Variants in DTNA observed in about 807,000 individuals in gnomAD.
The protein encoded by DTNA is dystrophin-related protein 3.
DTNA carries 43 observed loss-of-function variants against 100.7 expected under a neutral mutation model. The observed-to-expected ratio is 0.43, with a 90% CI of 0.33 to 0.55. DTNA has a LOEUF of 0.55. Ranked by LOEUF, DTNA falls within the 20% of genes least tolerant of loss-of-function variation. The pLI is 0.04. For missense variants in DTNA, 798 were observed against 953.9 expected (o/e 0.84, Z 2.15); for synonymous variants, 349 against 347.9 (o/e 1.00, Z -0.04).
intron 1 of DTNA, among the ~76,000 whole-genome samples, chr18:34,524,766 A>G (rs2042456011): frequency 6.6e-6 from 1 of 152,074 alleles, no homozygotes; most frequent in Non-Finnish European, 1.5e-5. Context: ...TTTTTTTAAA[A>G]AAAAGGTTTA....
chr18:34,763,310 A>G (rs2093297551), intron 2 of DTNA, among the ~76,000 whole-genome samples: 1 of 152,180 alleles, frequency 6.6e-6, no homozygotes, highest in Admixed American at 6.5e-5. Flanking sequence ...TAGAGAGCTC[A>G]TTCCCCACGA....
intron 1 of DTNA, among the ~76,000 whole-genome samples, chr18:34,590,309 T>C (rs1453530642): frequency 6.6e-6 from 1 of 152,240 alleles, no homozygotes; most frequent in Non-Finnish European, 1.5e-5. Flanking sequence ...GATGTATTAA[T>C]GTTTTCTCTT....
chr18:34,798,493 C>G (rs1267404458), intron 4 of DTNA, among the ~76,000 whole-genome samples: 5 of 152,144 alleles, frequency 3.3e-5, no homozygotes, highest in Non-Finnish European at 5.9e-5. Context: ...GTACTCCTCT[C>G]ACCTTCTCCC....
At chr18:34,779,270 A>C (rs2094207899) in intron 3 of DTNA, among the ~76,000 whole-genome samples, 1 of 152,190 alleles carries the variant, frequency 6.6e-6, no homozygotes. Context: ...AGCACACAGA[A>C]TGCATTTGAC....
intron 1 of DTNA, among the ~76,000 whole-genome samples, chr18:34,688,505 A>T (rs113663980): frequency 0.024 from 3,711 of 152,272 alleles, 176 homozygotes; most frequent in African/African-American, 0.085. Flanking sequence ...TTCTGCTGAG[A>T]GATCCACTGT....
At chr18:34,502,839 G>A (rs962680072) in intron 1 of DTNA, among the ~76,000 whole-genome samples, 8 of 152,142 alleles carry the variant, frequency 5.3e-5, no homozygotes, top group East Asian at 1.9e-4. Context: ...TGGCTGTTTC[G>A]GGGTAGAGTG....
At chr18:34,780,865 A>T (rs554476425) in intron 3 of DTNA, among the ~76,000 whole-genome samples, 2 of 152,196 alleles carry the variant, frequency 1.3e-5, no homozygotes, top group Admixed American at 6.5e-5. Flanking sequence ...ACCTTGTCCA[A>T]TGCACTCCAG....
intron 1 of DTNA, among the ~76,000 whole-genome samples, chr18:34,615,461 A>C (rs1170753446): frequency 2.6e-5 from 4 of 152,198 alleles, no homozygotes; most frequent in Middle Eastern, 3.2e-3. Context: ...TACCCTGATC[A>C]GTCAGCAGAT....
chr18:34,639,108 TG>T (rs1446115205), intron 1 of DTNA, among the ~76,000 whole-genome samples: 1 of 152,232 alleles, frequency 6.6e-6, no homozygotes, highest in Non-Finnish European at 1.5e-5. Flanking sequence ...CCCAGAGTGT[TG>T]GGATTATAGG....
At chr18:34,707,648 G>C (rs886429771), upstream of DTNA, among the ~76,000 whole-genome samples, 2 of 151,842 alleles carry the variant, frequency 1.3e-5, no homozygotes, top group Non-Finnish European at 2.9e-5. Flanking sequence ...AATCTCCAGG[G>C]GAAAAAAATG....
intron 1 of DTNA, among the ~76,000 whole-genome samples, chr18:34,626,168 T>C (rs536088479): frequency 6.6e-6 from 1 of 152,324 alleles, no homozygotes; most frequent in South Asian, 2.1e-4. Flanking sequence ...ACAATGAATG[T>C]TATTATTACA....
chr18:34,638,485 T>C (rs1220299960), intron 1 of DTNA, among the ~76,000 whole-genome samples: 1 of 152,186 alleles, frequency 6.6e-6, no homozygotes, highest in Non-Finnish European at 1.5e-5. Flanking sequence ...TGTTTCTGGT[T>C]GGTACCCTAC....
intron 15 of DTNA, among the ~76,000 whole-genome samples, chr18:34,857,487 A>G (rs184556932): frequency 1.3e-5 from 2 of 152,274 alleles, no homozygotes; most frequent in African/African-American, 4.8e-5. Flanking sequence ...CTTAGGGATA[A>G]TTTGCCTTGC....
intron 5 of DTNA, among the ~76,000 whole-genome samples, chr18:34,807,298 TGCAA>T (rs371840720): frequency 5.4e-4 from 82 of 152,338 alleles, no homozygotes; most frequent in Non-Finnish European, 9.7e-4. Flanking sequence ...AGTTCCAGGT[TGCAA>T]GCCCAGCTAT....
intron 1 of DTNA, among the ~76,000 whole-genome samples, chr18:34,646,087 T>C (rs1239989187): frequency 6.6e-6 from 1 of 152,190 alleles, no homozygotes; most frequent in Admixed American, 6.5e-5. Context: ...AAATGTCTGA[T>C]TGTGCTTCCT....
At chr18:34,781,372 T>C (rs1191502877) in intron 3 of DTNA, among the ~76,000 whole-genome samples, 4 of 152,232 alleles carry the variant, frequency 2.6e-5, no homozygotes, top group Non-Finnish European at 5.9e-5. Flanking sequence ...CTATCTTACA[T>C]ACTTATCATT....
intron 2 of DTNA, among the ~76,000 whole-genome samples, chr18:34,756,656 A>G (rs1476939387): frequency 6.6e-6 from 1 of 152,218 alleles, no homozygotes; most frequent in South Asian, 2.1e-4. Context: ...GGGAAACCAA[A>G]CTAAGTTACT....
intron 1 of DTNA, among the ~76,000 whole-genome samples, chr18:34,689,895 T>C (rs78084307): frequency 0.014 from 2,206 of 152,270 alleles, 40 homozygotes; most frequent in African/African-American, 0.047. Flanking sequence ...TTTGAGGTGT[T>C]GTGGTGGGCC....
At chr18:34,662,827 A>G (rs2075376562) in intron 1 of DTNA, 1 of 152,242 alleles carries the variant, frequency 6.6e-6, no homozygotes, top group East Asian at 1.9e-4. Flanking sequence ...TTGTCTCAAC[A>G]ACCTTAATAT....
Sources: allele counts gnomAD v4.1 joint callset (sites outside exome capture counted in the v4.1 genomes callset), GRCh38; gene constraint gnomAD v4.1.1; transcripts MANE v1.5; gene names NCBI Gene and HGNC (gene_info 2026-07-23, HGNC 2026-07-21).